The following WFDC10B variants were observed in gnomAD, a reference collection of about 807,000 sequenced individuals.
WFDC10B encodes protein WFDC10B.
In WFDC10B, 1 loss-of-function variant was observed where a neutral mutation model predicts 2.7. The ratio of observed to expected loss-of-function variants is 0.38; its 90% CI spans 0.13 to 1.79. WFDC10B has a LOEUF of 1.79. Among genes scored for constraint, WFDC10B ranks in the 40% most tolerant of loss-of-function variants. The pLI, the probability that WFDC10B is intolerant of heterozygous loss-of-function variation, is 0.33. For missense variants in WFDC10B, 71 were observed against 87.8 expected (o/e 0.81, Z 0.76); for synonymous variants, 26 against 32.2 (o/e 0.81, Z 0.65).
At chr20:45,699,012 G>A (rs1292158961) in intron 2 of WFDC10B, among the ~76,000 whole-genome samples, 1 of 150,304 alleles carries the variant, frequency 6.7e-6, no homozygotes, top group Admixed American at 6.6e-5. Context: ...GGAGGGGGAA[G>A]AAGAAGAAGA....
At chr20:45,687,858 C>A (rs987550656) in intron 2 of WFDC10B, among the ~76,000 whole-genome samples, 17 of 124,960 alleles carry the variant, frequency 1.4e-4, no homozygotes, top group African/African-American at 4.8e-4. Flanking sequence ...CTTGTCTTTT[C>A]TTTTATTATT....
chr20:45,698,087 T>G (rs1984034090), intron 2 of WFDC10B, among the ~76,000 whole-genome samples: 1 of 152,186 alleles, frequency 6.6e-6, no homozygotes, highest in Admixed American at 6.6e-5. Context: ...ATCCTCGAGT[T>G]CATACAAAAC....
intron 2 of WFDC10B, among the ~76,000 whole-genome samples, chr20:45,693,377 G>T (rs6065865): frequency 0.19 from 28,835 of 152,164 alleles, 2,986 homozygotes; most frequent in East Asian, 0.32. Context: ...ACAGGGACAT[G>T]TAAGTCTGCA....
intron 2 of WFDC10B, among the ~76,000 whole-genome samples, chr20:45,688,323 C>T (rs1389481533): frequency 4.0e-5 from 6 of 151,856 alleles, no homozygotes; most frequent in South Asian, 4.2e-4. Context: ...TGAATACTGC[C>T]GCAATAAACA....
rs1349286351 is a variant in WFDC10B, at chr20:45,689,564, T to G, written c.-64-3508A>C. ...CTTGAAGAGGTCCTTCACGTCCCTT[T>G]TAAGTTGGATTCCTAGGTATTTTAT... On this transcript the variant is annotated intron_variant, in intron 2 of 3. Transcript: ENST00000330523. Among the ~76,000 whole-genome samples the G allele has an allele frequency of 1.1e-4, 16 of 152,062 alleles. No homozygotes were observed. The East Asian group carries it at 1.5e-3, about 15-fold the overall frequency.
At position 45,685,887 on chromosome 20, in the gene WFDC10B, C is replaced by A. The variant is rs1000127693; in HGVS notation, c.91+15G>T. On this transcript the variant is annotated intron_variant, in intron 3 of 3. Transcript: ENST00000330523. ...ACCCAACTCTCCATCACCCATCCAG[C>A]AGCCCATCACCTACTCTGCATCCTC... 1.2e-6 allele frequency: 2 copies of A among 1,613,176 alleles called. No individual in the cohort carries two copies. The highest frequency in any genetic ancestry group is 1.7e-6 in the Non-Finnish European group (2 of 1,179,892).
intron 2 of WFDC10B, among the ~76,000 whole-genome samples, chr20:45,692,642 A>C (rs1452553645): frequency 2.1e-4 from 32 of 152,082 alleles, no homozygotes; most frequent in Admixed American, 2.0e-3. Context: ...AGGCTTCTGC[A>C]TTCTTCATGT....
chr20:45,686,201 G>A, intron 2 of WFDC10B, 145 bp from the exon 3 acceptor site: 3 of 934,322 alleles, frequency 3.2e-6, no homozygotes, highest in Non-Finnish European at 4.5e-6. Context: ...TAGGGCTTCT[G>A]CAGGAATGAT....
At chr20:45,702,171 A>G (rs760060904) in intron 2 of WFDC10B, 22 of 1,613,296 alleles carry the variant, frequency 1.4e-5, no homozygotes, top group Admixed American at 1.2e-4. Context: ...TCTGCCTAGC[A>G]CTGCAGCTGG....
chr20:45,695,401 A>G (rs1299966317), intron 2 of WFDC10B, among the ~76,000 whole-genome samples: 2 of 152,182 alleles, frequency 1.3e-5, no homozygotes, highest in Non-Finnish European at 2.9e-5. Context: ...TCAATAAGGA[A>G]ATAGGGTACT....
intron 2 of WFDC10B, among the ~76,000 whole-genome samples, chr20:45,688,287 G>C (rs1038721747): frequency 6.6e-6 from 1 of 151,764 alleles, no homozygotes; most frequent in African/African-American, 2.4e-5. Flanking sequence ...TTGGACATTT[G>C]GGTTGGTTCC....
At chr20:45,686,091 C>T in intron 2 of WFDC10B, 35 bp from the exon 3 acceptor site, 2 of 1,520,032 alleles carry the variant, frequency 1.3e-6, no homozygotes, top group South Asian at 2.6e-5. Context: ...AAGGAATGAT[C>T]TTCAGCTCCT....
chr20:45,697,742 C>CTTTT (rs1162470530), intron 2 of WFDC10B, among the ~76,000 whole-genome samples: 9 of 113,412 alleles, frequency 7.9e-5, no homozygotes, highest in East Asian at 2.5e-4. Context: ...ATTTCTTTTT[C>CTTTT]TTTTTTTTTT....
chr20:45,687,859 T>TA (rs1983673215), intron 2 of WFDC10B, among the ~76,000 whole-genome samples: 3 of 138,820 alleles, frequency 2.2e-5, no homozygotes, highest in African/African-American at 8.2e-5. Context: ...TTGTCTTTTC[T>TA]TTTATTATTA....
At chr20:45,693,910 G>A (rs538169969) in intron 2 of WFDC10B, among the ~76,000 whole-genome samples, 28 of 152,276 alleles carry the variant, frequency 1.8e-4, no homozygotes, top group South Asian at 6.2e-4. Flanking sequence ...GAAATCACCC[G>A]TCCTCTTCAT....
intron 2 of WFDC10B, among the ~76,000 whole-genome samples, chr20:45,700,320 A>G (rs2145642430): frequency 6.6e-6 from 1 of 152,340 alleles, no homozygotes; most frequent in South Asian, 2.1e-4. Context: ...TTTATAGAGA[A>G]TTGATAAAGA....
At chr20:45,691,440 T>G (rs985554744) in intron 2 of WFDC10B, among the ~76,000 whole-genome samples, 13 of 150,610 alleles carry the variant, frequency 8.6e-5, no homozygotes, top group Non-Finnish European at 1.5e-4. Flanking sequence ...AGTGGGGTGT[T>G]AAAGTCTCCC....
At position 45,702,134 on chromosome 20, in the gene WFDC10B, T is replaced by C. The variant is rs747829338; in HGVS notation, c.-65+2363A>G. On this transcript the variant is annotated intron_variant, in intron 2 of 3. Transcript: ENST00000330523. Reference sequence around the variant, plus strand: ...CATCCCACTGACACCATGAAGCCTGTGCTGCCTCTCCAGTTCCTGGTGGTG... The same window carrying C: ...CATCCCACTGACACCATGAAGCCTGCGCTGCCTCTCCAGTTCCTGGTGGTG... The C allele has an allele frequency of 3.0e-5, 49 of 1,613,220 alleles. No individual in the cohort carries two copies. The South Asian group carries it at 5.0e-4, about 16-fold the overall frequency.
chr20:45,690,281 G>T (rs1600955506), intron 2 of WFDC10B, among the ~76,000 whole-genome samples: 1 of 151,120 alleles, frequency 6.6e-6, no homozygotes, highest in Non-Finnish European at 1.5e-5. Flanking sequence ...TGTTCATCAA[G>T]GATATTGGTC....
Sources: allele counts gnomAD v4.1 joint callset (sites outside exome capture counted in the v4.1 genomes callset), GRCh38; gene constraint gnomAD v4.1.1; transcripts MANE v1.5; gene names NCBI Gene and HGNC (gene_info 2026-07-23, HGNC 2026-07-21).